Variants in RBFOX1 observed in about 807,000 individuals in gnomAD.
RBFOX1 encodes RNA binding protein fox-1 homolog 1.
In RBFOX1, 8 loss-of-function variants were observed where a neutral mutation model predicts 57.7. That is an observed-to-expected ratio of 0.14 (90% confidence interval 0.08 to 0.25). RBFOX1 has a LOEUF of 0.25. Among genes scored for constraint, RBFOX1 ranks in the 10% least tolerant of loss-of-function variants. The pLI is 1.00. For missense variants in RBFOX1, 611 were observed against 548.5 expected, an observed-to-expected ratio of 1.11 and a Z score of -1.14; for synonymous variants, 326 against 222.4, an observed-to-expected ratio of 1.47 and a Z score of -4.15.
At chr16:6,413,917 T>C (rs1434286116) in intron 2 of RBFOX1, among the ~76,000 whole-genome samples, 9 of 152,316 alleles carry the variant, frequency 5.9e-5, no homozygotes, top group Non-Finnish European at 1.3e-4. Context: ...GATGGGGACC[T>C]GCATTTTAAA....
chr16:7,498,191 C>T (rs2069331976), intron 4 of RBFOX1, among the ~76,000 whole-genome samples: 1 of 152,078 alleles, frequency 6.6e-6, no homozygotes, highest in Admixed American at 6.5e-5. Flanking sequence ...GATCAAGCTT[C>T]CCTGTTCTGG....
At chr16:6,575,732 C>T (rs2097424107) in intron 2 of RBFOX1, among the ~76,000 whole-genome samples, 1 of 151,716 alleles carries the variant, frequency 6.6e-6, no homozygotes, top group African/African-American at 2.4e-5. Flanking sequence ...TAGCAGACGC[C>T]TGTAATCCCA....
chr16:7,606,967 A>G (rs917883595), intron 9 of RBFOX1, among the ~76,000 whole-genome samples: 10 of 152,158 alleles, frequency 6.6e-5, no homozygotes, highest in Non-Finnish European at 1.0e-4. Context: ...ATAAGAAAAA[A>G]TTAAAATTAT....
intron 3 of RBFOX1, among the ~76,000 whole-genome samples, chr16:6,937,152 C>G (rs1219169088): frequency 1.3e-5 from 2 of 152,022 alleles, no homozygotes; most frequent in African/African-American, 2.4e-5. Flanking sequence ...AAAATGTTAT[C>G]AAAAATGATA....
At chr16:7,066,800 G>C (rs140548317) in intron 4 of RBFOX1, among the ~76,000 whole-genome samples, 1 of 152,278 alleles carries the variant, frequency 6.6e-6, no homozygotes, top group East Asian at 1.9e-4. Flanking sequence ...CAAAGGTTTG[G>C]TTCAATAAGA....
At chr16:5,645,840 A>T (rs943187264) in intron 3 of RBFOX1, among the ~76,000 whole-genome samples, 37 of 152,140 alleles carry the variant, frequency 2.4e-4, no homozygotes, top group South Asian at 4.2e-4. Context: ...TAATTTTTTT[A>T]AAAAAATTTC....
At chr16:6,151,758 T>G (rs1327801661) in intron 1 of RBFOX1, among the ~76,000 whole-genome samples, 1 of 152,038 alleles carries the variant, frequency 6.6e-6, no homozygotes, top group Admixed American at 6.6e-5. Flanking sequence ...TATGAGGGAG[T>G]GAAGAATACA....
intron 4 of RBFOX1, among the ~76,000 whole-genome samples, chr16:5,904,608 G>C (rs1252811142): frequency 6.6e-6 from 1 of 151,972 alleles, no homozygotes; most frequent in Admixed American, 6.6e-5. Context: ...GTTCCCCCTT[G>C]AAAAGACTTC....
chr16:7,515,795 T>A (rs1445585931), intron 4 of RBFOX1, among the ~76,000 whole-genome samples: 2 of 152,166 alleles, frequency 1.3e-5, no homozygotes, highest in Non-Finnish European at 2.9e-5. Flanking sequence ...TTCCTCTAGG[T>A]TGGCCTCACG....
chr16:6,389,939 A>G (rs2092510839), intron 2 of RBFOX1, among the ~76,000 whole-genome samples: 1 of 152,232 alleles, frequency 6.6e-6, no homozygotes, highest in African/African-American at 2.4e-5. Flanking sequence ...GCAGAAATGC[A>G]ACAGGGCTGG....
intron 1 of RBFOX1, among the ~76,000 whole-genome samples, chr16:5,368,066 C>T (rs544189082): frequency 6.6e-6 from 1 of 152,184 alleles, no homozygotes; most frequent in Non-Finnish European, 1.5e-5. Context: ...CACATGAGCT[C>T]TAACCAGTCA....
At chr16:5,241,001 C>G (rs1457806574) in intron 1 of RBFOX1, among the ~76,000 whole-genome samples, 1 of 152,206 alleles carries the variant, frequency 6.6e-6, no homozygotes, top group African/African-American at 2.4e-5. Flanking sequence ...CTCTTTGTTC[C>G]TTCCAAATGT....
intron 3 of RBFOX1, among the ~76,000 whole-genome samples, chr16:5,660,955 A>G (rs1378477818): frequency 6.6e-6 from 1 of 152,152 alleles, no homozygotes; most frequent in Non-Finnish European, 1.5e-5. Flanking sequence ...GAGGTCCCAG[A>G]ATGGCTTGAT....
At chr16:7,227,313 G>A (rs1047264137) in intron 4 of RBFOX1, among the ~76,000 whole-genome samples, 1 of 107,400 alleles carries the variant, frequency 9.3e-6, no homozygotes, top group African/African-American at 2.8e-5. Context: ...CACACAGCAA[G>A]GGAGGAATTT....
chr16:6,387,414 T>C (rs1056055457), intron 2 of RBFOX1, among the ~76,000 whole-genome samples: 1 of 151,272 alleles, frequency 6.6e-6, no homozygotes, highest in Non-Finnish European at 1.5e-5. Flanking sequence ...CGGATTCGTA[T>C]GTGCAAGTCT....
chr16:5,935,962 G>C (rs189316140), intron 4 of RBFOX1, among the ~76,000 whole-genome samples: 1 of 152,008 alleles, frequency 6.6e-6, no homozygotes, highest in African/African-American at 2.4e-5. Flanking sequence ...CAGGGCCTTC[G>C]TTCTGTAAAC....
At chr16:6,583,963 C>G (rs1219684875) in intron 2 of RBFOX1, among the ~76,000 whole-genome samples, 1 of 149,692 alleles carries the variant, frequency 6.7e-6, no homozygotes, top group Admixed American at 6.7e-5. Flanking sequence ...GTTGAGAAAG[C>G]TGAAAAACAA....
intron 3 of RBFOX1, among the ~76,000 whole-genome samples, chr16:5,839,402 CT>C (rs2056556846): frequency 6.6e-6 from 1 of 152,148 alleles, no homozygotes; most frequent in Non-Finnish European, 1.5e-5. Flanking sequence ...GCCCTAATTC[CT>C]TTAGCCCTCT....
chr16:7,044,350 A>G (rs930829004), intron 3 of RBFOX1, among the ~76,000 whole-genome samples: 12 of 152,182 alleles, frequency 7.9e-5, no homozygotes, highest in African/African-American at 2.4e-4. Context: ...CAGACTGAAA[A>G]CAGGGTCAGA....
Sources: gnomAD v4.1 joint callset for allele counts (sites outside exome capture counted in the v4.1 genomes callset) on GRCh38, gnomAD v4.1.1 for gene constraint, MANE v1.5 for transcripts, NCBI Gene and HGNC (gene_info 2026-07-23, HGNC 2026-07-21) for gene names.